KSR2: variants seen among roughly 807,000 people sequenced by gnomAD.
The protein encoded by KSR2 is kinase suppressor of ras 2.
In KSR2, 25 loss-of-function variants were observed where a neutral mutation model predicts 107.8. The observed-to-expected ratio is 0.23, with a 90% CI of 0.17 to 0.32. The LOEUF (loss-of-function observed/expected upper bound fraction) is 0.32. Among genes scored for constraint, KSR2 ranks in the 10% least tolerant of loss-of-function variants. KSR2 has a pLI of 1.00. For synonymous variants in KSR2, 480 were observed against 507.0 expected, an observed-to-expected ratio of 0.95 and a Z score of 0.71; for missense variants, 887 against 1,268.9, an observed-to-expected ratio of 0.70 and a Z score of 4.57.
chr12:117,672,481 C>G (rs1446424), intron 4 of KSR2, among the ~76,000 whole-genome samples: 5,507 of 152,054 alleles, frequency 0.036, 212 homozygotes, highest in African/African-American at 0.089. Flanking sequence ...GGCAGGGGAC[C>G]CAGCACAGAG....
At chr12:117,513,602 G>C (rs1450694152) in intron 14 of KSR2, among the ~76,000 whole-genome samples, 2 of 152,204 alleles carry the variant, frequency 1.3e-5, no homozygotes, top group Non-Finnish European at 2.9e-5. Flanking sequence ...TGGTGGTTTG[G>C]ACAATGAACC....
At chr12:117,912,743 T>C (rs1057267795) in intron 1 of KSR2, among the ~76,000 whole-genome samples, 1 of 152,080 alleles carries the variant, frequency 6.6e-6, no homozygotes, top group Non-Finnish European at 1.5e-5. Flanking sequence ...GATTTAAAAA[T>C]ATAAAAAAGG....
chr12:117,913,122 C>T (rs1258804007), intron 1 of KSR2, among the ~76,000 whole-genome samples: 3 of 152,146 alleles, frequency 2.0e-5, no homozygotes, highest in African/African-American at 4.8e-5. Context: ...TGTCCGTTCC[C>T]GAGTTGGCCT....
chr12:117,761,269 G>A lies in KSR2; in HGVS notation c.728C>T (p.Ser243Leu), dbSNP rs201900914. 2.2e-5 allele frequency: 34 copies of A among 1,528,870 alleles called. No individual in the cohort carries two copies. In the Middle Eastern group the frequency reaches 2.1e-3, roughly 96 times the overall value. 94.7% of individuals were successfully genotyped at this position (1,528,870 alleles called of 1,614,324 possible). A position where few individuals can be genotyped will look rare whatever the true frequency, so the allele number is the denominator to read the frequency against. The change falls in exon 4 of 20, where the codon TCG becomes TTG. Residue 243 changes from serine (S) to leucine (L), a missense_variant. Ser to Leu is a moderately radical substitution (Grantham distance 145). Coordinates refer to ENST00000339824, the MANE Select transcript of KSR2 (RefSeq NM_173598.6). ...CGATGGGGGCAGGGAACGGTGGCCC[G>A]ACTCCAGTGGCGGGGGCGGGCACAA... ...PGLCPPPPLESGHRSLPPSPR... is the reference protein window; with the variant it reads ...PGLCPPPPLELGHRSLPPSPR...
chr12:117,614,132 T>C (rs1229080883), intron 5 of KSR2, among the ~76,000 whole-genome samples: 1 of 152,180 alleles, frequency 6.6e-6, no homozygotes. Flanking sequence ...ATATATTTAA[T>C]ATAGTGGTAG....
At chr12:117,555,398 C>A (rs930837750) in intron 8 of KSR2, 105 bp from the exon 9 acceptor site, 2 of 1,134,384 alleles carry the variant, frequency 1.8e-6, no homozygotes, top group African/African-American at 1.5e-5. Context: ...ACCCTCCAGA[C>A]TGGAGGACAA....
At chr12:117,799,399 G>T (rs918962347) in intron 3 of KSR2, among the ~76,000 whole-genome samples, 3 of 151,944 alleles carry the variant, frequency 2.0e-5, no homozygotes, top group Non-Finnish European at 4.4e-5. Flanking sequence ...CTACTCAGGA[G>T]GCTGAGGCTG....
chr12:117,645,903 GTGTGTGTGTGTA>G (rs1883608789), intron 5 of KSR2, among the ~76,000 whole-genome samples: 2 of 149,704 alleles, frequency 1.3e-5, no homozygotes, highest in African/African-American at 5.0e-5. Flanking sequence ...GTGTGTGTGT[GTGTGTGTGTGTA>G]CAGCTGTCCT....
chr12:117,757,958 C>CA (rs1350711572), intron 4 of KSR2, among the ~76,000 whole-genome samples: 1 of 152,134 alleles, frequency 6.6e-6, no homozygotes, highest in African/African-American at 2.4e-5. Flanking sequence ...TACAAAACAA[C>CA]ACTAAAACGC....
intron 16 of KSR2, among the ~76,000 whole-genome samples, chr12:117,484,128 G>T (rs983389504): frequency 1.3e-5 from 2 of 152,214 alleles, no homozygotes; most frequent in Admixed American, 1.3e-4. Context: ...TAGGGTTAGA[G>T]GAGAGTCCTC....
chr12:117,791,359 CCT>C (rs1890245489), intron 3 of KSR2, among the ~76,000 whole-genome samples: 1 of 152,152 alleles, frequency 6.6e-6, no homozygotes, highest in African/African-American at 2.4e-5. Flanking sequence ...TTTTCACAGC[CCT>C]GAGTCATTCT....
intron 14 of KSR2, among the ~76,000 whole-genome samples, chr12:117,502,417 T>A (rs939437822): frequency 6.6e-6 from 1 of 152,206 alleles, no homozygotes; most frequent in Admixed American, 6.5e-5. Flanking sequence ...GCATTTTCCC[T>A]GGACTTTGAA....
At chr12:117,950,323 G>A (rs1896323616) in intron 1 of KSR2, among the ~76,000 whole-genome samples, 1 of 152,146 alleles carries the variant, frequency 6.6e-6, no homozygotes, top group Admixed American at 6.6e-5. Flanking sequence ...CATGGACAGA[G>A]AAAGGGATGG....
chr12:117,610,738 C>CAA (rs35825253), intron 5 of KSR2, among the ~76,000 whole-genome samples: 2,590 of 110,492 alleles, frequency 0.023, 61 homozygotes, highest in African/African-American at 0.025. Context: ...GACCCTGTCT[C>CAA]AAAAAAAAAA....
rs375609672 is a variant in KSR2, at chr12:117,643,231, G to A, written c.1171+24243C>T. On this transcript the variant is annotated intron_variant, in intron 5 of 19. Transcript: ENST00000339824. ...CAAGGTGGGCAGATCACTTGAGGCC[G>A]GAAGCGCAAGACCAGCCTGGCCAAC... Among the ~76,000 whole-genome samples the A allele has an allele frequency of 7.2e-4, 109 of 152,188 alleles. 1 individual carries two copies. The South Asian group carries it at 0.018, about 25-fold the overall frequency.
chr12:117,536,299 A>G (rs955375928), intron 10 of KSR2, among the ~76,000 whole-genome samples: 24 of 152,228 alleles, frequency 1.6e-4, no homozygotes, highest in African/African-American at 5.8e-4. Context: ...AGAGTGGGAC[A>G]GCTAGCCAGA....
chr12:117,672,043 T>C (rs1884929294), intron 4 of KSR2, among the ~76,000 whole-genome samples: 2 of 152,148 alleles, frequency 1.3e-5, no homozygotes, highest in East Asian at 3.9e-4. Flanking sequence ...ACTCTGCTTA[T>C]CTCCCCAGGG....
intron 7 of KSR2, among the ~76,000 whole-genome samples, chr12:117,559,013 T>C (rs1877919115): frequency 6.6e-6 from 1 of 150,446 alleles, no homozygotes; most frequent in Non-Finnish European, 1.5e-5. Flanking sequence ...AGTGAATAGA[T>C]AAATAAATGG....
At chr12:117,620,442 T>G (rs576559443) in intron 5 of KSR2, among the ~76,000 whole-genome samples, 1 of 152,306 alleles carries the variant, frequency 6.6e-6, no homozygotes, top group East Asian at 1.9e-4. Flanking sequence ...TTGCCTGCCA[T>G]TAGTTGATGT....
Sources: allele counts gnomAD v4.1 joint callset (sites outside exome capture counted in the v4.1 genomes callset), GRCh38; gene constraint gnomAD v4.1.1; transcripts MANE v1.5; gene names NCBI Gene and HGNC (gene_info 2026-07-23, HGNC 2026-07-21).